Variants in COL4A6 observed in about 807,000 individuals in gnomAD.
COL4A6 encodes collagen alpha-6(IV) chain.
Under a neutral mutation model 126.7 loss-of-function variants are expected in COL4A6, and 59 were observed. The ratio of observed to expected loss-of-function variants is 0.47; its 90% CI spans 0.38 to 0.58. The LOEUF is 0.58. COL4A6 is among the 20% of genes least tolerant of loss of function. The probability of loss-of-function intolerance (pLI) is 0.00; values close to 1 mark genes in which losing one functional copy is unlikely to be tolerated. For synonymous variants in COL4A6, 547 were observed against 496.6 expected, an observed-to-expected ratio of 1.10 and a Z score of -1.35; for missense variants, 1,285 against 1,337.3, an observed-to-expected ratio of 0.96 and a Z score of 0.61.
intron 2 of COL4A6, among the ~76,000 whole-genome samples, chrX:108,367,903 T>G (rs1270450884): frequency 8.9e-6 from 1 of 112,125 alleles, no homozygotes; most frequent in Non-Finnish European, 1.9e-5. Context: ...TGTTATTTGT[T>G]GCCATGTGAC....
At chrX:108,283,275 G>T (rs2037901411) in intron 3 of COL4A6, among the ~76,000 whole-genome samples, 1 of 111,989 alleles carries the variant, frequency 8.9e-6, no homozygotes, top group South Asian at 3.7e-4. Context: ...ACACAGTTTG[G>T]CTAGATGATA....
chrX:108,232,390 A>G (rs775206666), intron 3 of COL4A6, among the ~76,000 whole-genome samples: 3 of 112,194 alleles, frequency 2.7e-5, no homozygotes, highest in Non-Finnish European at 5.6e-5. Flanking sequence ...CTTTGTAACT[A>G]TTATAAATGG....
At chrX:108,163,343 G>T in intron 40 of COL4A6, 1 of 219,977 alleles carries the variant, frequency 4.5e-6, no homozygotes. Flanking sequence ...AATATGGTGA[G>T]CTGAGCCTTC....
intron 2 of COL4A6, among the ~76,000 whole-genome samples, chrX:108,412,285 T>C (rs1400941281): frequency 8.9e-6 from 1 of 112,248 alleles, no homozygotes; most frequent in Non-Finnish European, 1.9e-5. Flanking sequence ...ACTTAGAGAA[T>C]ATGGCACAAC....
chrX:108,220,388 G>T (rs902892259), intron 4 of COL4A6, among the ~76,000 whole-genome samples: 7 of 111,822 alleles, frequency 6.3e-5, no homozygotes, highest in Non-Finnish European at 9.4e-5. Context: ...CATCTGCCCA[G>T]TGTCAGGTGT....
At chrX:108,364,991 C>A (rs1387266995) in intron 2 of COL4A6, among the ~76,000 whole-genome samples, 1 of 110,888 alleles carries the variant, frequency 9.0e-6, no homozygotes, top group Non-Finnish European at 1.9e-5. Context: ...TGTCACCACA[C>A]CTAATGACTC....
rs939769901 is a variant in COL4A6 at position 108,171,447 on chromosome X, T to A, written c.3217A>T (p.Thr1073Ser). ...LPGLKGDNGQ[T>S]VEISGSPGPK... ...CCTGGGCTACCGGAAATTTCAACTG[T>A]CTGGCCGTTGTCTCCTGAGGATTCC... The change falls in exon 33 of 45, where the codon ACA (threonine) becomes TCA (serine). Residue 1073 changes from threonine (T) to serine (S), a missense_variant. Transcript: ENST00000334504. 3 of 1,208,146 alleles carry A rather than the reference T, an allele frequency of 2.5e-6. No individual in the cohort carries two copies. In the African/African-American group the frequency reaches 5.2e-5, roughly 21 times the overall value.
intron 3 of COL4A6, among the ~76,000 whole-genome samples, chrX:108,242,388 A>G (rs771762274): frequency 1.8e-5 from 2 of 111,792 alleles, no homozygotes; most frequent in East Asian, 2.8e-4. Flanking sequence ...ATAAATTTTC[A>G]CAACAACAAA....
chrX:108,401,794 T>G (rs1033183635), intron 2 of COL4A6, among the ~76,000 whole-genome samples: 1 of 111,362 alleles, frequency 9.0e-6, no homozygotes, highest in Non-Finnish European at 1.9e-5. Context: ...AAATGTTTCA[T>G]CCACTATGGA....
rs1031639529 is a variant in COL4A6, at chrX:108,421,652, T to C, written c.63+16290A>G. Among the ~76,000 whole-genome samples the C allele has an allele frequency of 2.7e-5, 3 of 112,172 alleles. No individual in the cohort carries two copies. The Admixed American group carries it at 2.8e-4, about 11-fold the overall frequency. On this transcript the variant is annotated intron_variant, in intron 2 of 44. Coordinates refer to ENST00000334504, the MANE Select transcript of COL4A6 (RefSeq NM_033641.4). ...GTACTTTGCCAGAGATTTATCCATG[T>C]AAATCTCATTAAAGCTATGGACCTT...
chrX:108,260,498 A>G (rs745863132), intron 3 of COL4A6, among the ~76,000 whole-genome samples: 87 of 110,825 alleles, frequency 7.9e-4, no homozygotes, highest in Non-Finnish European at 1.2e-3. Flanking sequence ...GTGATAGTGA[A>G]TAAGCCTCAC....
At chrX:108,215,285 T>C in intron 5 of COL4A6, among the ~76,000 whole-genome samples, 1 of 112,253 alleles carries the variant, frequency 8.9e-6, no homozygotes, top group Non-Finnish European at 1.9e-5. Flanking sequence ...AATACAAAAG[T>C]GTGAGTCTAG....
intron 2 of COL4A6, among the ~76,000 whole-genome samples, chrX:108,389,945 A>G (rs142649942): frequency 0.023 from 2,514 of 111,173 alleles, 30 homozygotes; most frequent in Non-Finnish European, 0.037. Context: ...ATCTCTCAGC[A>G]TTTGCTTGTC....
At chrX:108,342,749 A>G (rs1569434037) in intron 2 of COL4A6, among the ~76,000 whole-genome samples, 1 of 111,364 alleles carries the variant, frequency 9.0e-6, no homozygotes, top group Non-Finnish European at 1.9e-5. Flanking sequence ...CTAGGTAGCT[A>G]CCCAGTGGAT....
chrX:108,371,227 C>T (rs1349487506), intron 2 of COL4A6, among the ~76,000 whole-genome samples: 1 of 108,913 alleles, frequency 9.2e-6, no homozygotes, highest in East Asian at 2.8e-4. Context: ...TATAGAAAAG[C>T]ATCAAAAAGA....
intron 2 of COL4A6, among the ~76,000 whole-genome samples, chrX:108,411,710 G>C (rs1339172495): frequency 8.9e-6 from 1 of 111,956 alleles, no homozygotes; most frequent in Non-Finnish European, 1.9e-5. Context: ...GAAAAACAGA[G>C]AGTGAGATAT....
At chrX:108,386,553 C>T (rs2040697833) in intron 2 of COL4A6, among the ~76,000 whole-genome samples, 1 of 111,728 alleles carries the variant, frequency 9.0e-6, no homozygotes, top group South Asian at 3.7e-4. Context: ...CGTTCGCCCA[C>T]GTTTTGATGG....
chrX:108,412,408 C>T (rs1330399611), intron 2 of COL4A6, among the ~76,000 whole-genome samples: 3 of 111,827 alleles, frequency 2.7e-5, no homozygotes, highest in South Asian at 7.6e-4. Context: ...TAGTCTCTCA[C>T]GCTTAACAAG....
chrX:108,335,726 G>A (rs1361684573), intron 2 of COL4A6, among the ~76,000 whole-genome samples: 1 of 111,098 alleles, frequency 9.0e-6, no homozygotes, highest in African/African-American at 3.3e-5. Flanking sequence ...TACTTCCAGA[G>A]CTCTACAAGG....
Sources: allele counts gnomAD v4.1 joint callset (sites outside exome capture counted in the v4.1 genomes callset), GRCh38; gene constraint gnomAD v4.1.1; transcripts MANE v1.5; gene names NCBI Gene and HGNC (gene_info 2026-07-23, HGNC 2026-07-21).